Variants in TIMM44 observed in about 807,000 individuals in gnomAD.
TIMM44 encodes the protein mitochondrial import inner membrane translocase subunit TIM44.
Under a neutral mutation model 63.8 loss-of-function variants are expected in TIMM44, and 37 were observed. That is an observed-to-expected ratio of 0.58 (90% CI 0.45 to 0.76). The LOEUF (loss-of-function observed/expected upper bound fraction) is 0.76. TIMM44 is among the 30% of genes least tolerant of loss of function. The pLI is 0.00. For synonymous variants in TIMM44, 239 were observed against 245.1 expected, an observed-to-expected ratio of 0.98 and a Z score of 0.23; for missense variants, 573 against 603.8, an observed-to-expected ratio of 0.95 and a Z score of 0.54.
At position 7,928,161 on chromosome 19, in the gene TIMM44, G is replaced by A. The variant is rs768536520; in HGVS notation, c.1044C>T (p.Tyr348=). The change falls in exon 11 of 13, where the codon TAC becomes TAT. Residue 348 remains tyrosine (Y), a synonymous_variant. Coordinates refer to ENST00000270538, the MANE Select transcript of TIMM44 (RefSeq NM_006351.4). ...GCTGGATGGGGTGGGCCAGCTGGCTGTAAGTCTGCAATGAGAGGCCGACAC... is the reference window on the plus strand; with the variant it reads ...GCTGGATGGGGTGGGCCAGCTGGCTATAAGTCTGCAATGAGAGGCCGACAC... The part of the protein sequence containing the change: ...ILKDWCYEAT[Y]SQLAHPIQQA... 7 of 1,613,454 alleles carry A rather than the reference G, an allele frequency of 4.3e-6. No homozygotes were observed. The highest frequency in any genetic ancestry group is 5.9e-6 in the Non-Finnish European group (7 of 1,179,782).
Position 7,933,175 on chromosome 19 carries a change from C to T in TIMM44, c.770-243G>A, listed in dbSNP as rs961590259. Among the ~76,000 whole-genome samples, 14 of 152,170 alleles carry T rather than the reference C, an allele frequency of 9.2e-5. No homozygotes were observed. Among genetic ancestry groups the T allele is most frequent in the African/African-American group, 2.2e-4 (9 of 41,446 alleles). On this transcript the variant is annotated intron_variant, in intron 7 of 12. Coordinates refer to ENST00000270538, the MANE Select transcript of TIMM44 (RefSeq NM_006351.4). The surrounding 1 kb of genome is among the most constrained non-coding windows in gnomAD (Gnocchi z 4.3). The stretch of plus-strand genomic sequence containing the variant: ...TAATGGGGCTGTGTAAGTTATGGGC[C>T]GCCACCCCACTGGCTGTTGCTTTCA...
At chr19:7,928,286 G>T in intron 10 of TIMM44, 120 bp from the exon 11 acceptor site, 1 of 821,226 alleles carries the variant, frequency 1.2e-6, no homozygotes. Context: ...CAATGGCAGA[G>T]GCCAAGAACC....
rs1288412990 is a variant in TIMM44, at chr19:7,934,408, C to T, written c.394-170G>A. On this transcript the variant is annotated intron_variant, in intron 4 of 12. Coordinates refer to ENST00000270538, the MANE Select transcript of TIMM44 (RefSeq NM_006351.4). The surrounding 1 kb of genome is among the most constrained non-coding windows in gnomAD (Gnocchi z 5.3). ...GGCACCCCCAGAGCCATGAGCACAA[C>T]GGCACCCCCAGAGCCACGAGCACAC... Among the ~76,000 whole-genome samples, 4 of 151,182 alleles carry T rather than the reference C, an allele frequency of 2.6e-5. No homozygotes were observed. Among genetic ancestry groups the T allele is most frequent in the South Asian group, 2.1e-4 (1 of 4,782 alleles).
rs1368357942 is a variant in TIMM44 at position 7,943,515 on chromosome 19, C to T, written c.45+92G>A. 3.5e-6 allele frequency: 5 copies of T among 1,429,194 alleles called. No homozygotes were observed. In the East Asian group the frequency reaches 7.4e-5, roughly 21 times the overall value. The allele number at this position is 1,429,194 out of a possible 1,614,324, so 88.5% of individuals were successfully genotyped here. A position where few individuals can be genotyped will look rare whatever the true frequency, so the allele number is the denominator to read the frequency against. ...CTTTCTAAGGAGCCCAAGCAAGGGT[C>T]GCGAAGGCCAAGGGTCTGAGAAGAA... On this transcript the variant is annotated intron_variant, in intron 1 of 12. Transcript: ENST00000270538. This position sits in a 1 kb window ranked among gnomAD's most constrained non-coding sequence, Gnocchi z 4.3.
At chr19:7,931,449 A>T in intron 9 of TIMM44, 1 of 500,088 alleles carries the variant, frequency 2.0e-6, no homozygotes. Context: ...CCACAGGGGG[A>T]CCCCCCTGGA....
intron 10 of TIMM44, among the ~76,000 whole-genome samples, chr19:7,929,702 C>T (rs901906885): frequency 6.6e-6 from 1 of 151,110 alleles, no homozygotes; most frequent in Admixed American, 6.6e-5. Context: ...CCCCCCCAGT[C>T]ATGTGGGAGA....
intron 3 of TIMM44, among the ~76,000 whole-genome samples, chr19:7,936,593 G>A (rs1295859319): frequency 6.6e-6 from 1 of 152,210 alleles, no homozygotes; most frequent in Non-Finnish European, 1.5e-5. Context: ...TAACTGCCTC[G>A]CAGGGCCCTT....
chr19:7,933,750 A>C lies in TIMM44; in HGVS notation c.683+114T>G. On this transcript the variant is annotated intron_variant, in intron 6 of 12. Transcript: ENST00000270538. This position sits in a 1 kb window ranked among gnomAD's most constrained non-coding sequence, Gnocchi z 4.3. ...TTCGAGGGAGCCGGGAACCTTGGGC[A>C]GAAGGCAAACTCAAGAAACGGACTC... 1 of 1,526,492 alleles carries C rather than the reference A, an allele frequency of 6.6e-7. No individual in the cohort carries two copies. Among genetic ancestry groups the C allele is most frequent in the Non-Finnish European group, 9.0e-7 (1 of 1,108,484 alleles). 94.6% of individuals were successfully genotyped at this position (1,526,492 alleles called of 1,614,324 possible).
At chr19:7,940,328 C>CT (rs1393550002) in intron 2 of TIMM44, among the ~76,000 whole-genome samples, 5 of 152,104 alleles carry the variant, frequency 3.3e-5, no homozygotes, top group Admixed American at 6.5e-5. Context: ...CCTGGCCAGC[C>CT]TTTCTCCAGG....
intron 9 of TIMM44, 37 bp from the exon 10 acceptor site, chr19:7,931,225 T>G (rs1983973111): frequency 5.0e-6 from 8 of 1,596,502 alleles, no homozygotes; most frequent in Non-Finnish European, 6.9e-6. Flanking sequence ...AGAACGAGAG[T>G]GGGCTTTTCA....
At chr19:7,927,618 C>CCA in intron 12 of TIMM44, 39 bp downstream of exon 12, 1 of 1,575,370 alleles carries the variant, frequency 6.3e-7, no homozygotes, top group South Asian at 1.1e-5. Context: ...TGGGGACAGG[C>CCA]GGTGTCATGT....
rs1230447370 is a variant in TIMM44, at chr19:7,935,248, T to A, written c.313-103A>T. 6.6e-6 allele frequency: 7 copies of A among 1,055,012 alleles called. No homozygotes were observed. In the East Asian group the frequency reaches 1.8e-4, roughly 28 times the overall value. 65.4% of individuals were successfully genotyped at this position (1,055,012 alleles called of 1,614,324 possible). ...TGGCACGCTCTCGGCTCACTGCAAC[T>A]TCCTCCTGCCAGATTCAAGCGATTT... On this transcript the variant is annotated intron_variant, in intron 3 of 12. Coordinates refer to ENST00000270538, the MANE Select transcript of TIMM44 (RefSeq NM_006351.4).
At position 7,938,715 on chromosome 19, in the gene TIMM44, A is replaced by G. The variant is rs555370598; in HGVS notation, c.142-518T>C. On this transcript the variant is annotated intron_variant, in intron 2 of 12. Transcript: ENST00000270538. ...CCAGCTCCTCAGAAGGCTGAGGCAC[A>G]AGAATTGCTTGAACCCAGGAGGAAG... Among the ~76,000 whole-genome samples, 712 of 152,236 alleles carry G rather than the reference A, an allele frequency of 4.7e-3. 4 individuals carry two copies. Among genetic ancestry groups the G allele is most frequent in the Non-Finnish European group, 4.8e-3 (326 of 68,014 alleles).
chr19:7,927,252 G>A lies in TIMM44; in HGVS notation c.1294C>T (p.Leu432Phe), dbSNP rs1416690096. 6.2e-7 allele frequency: 1 copy of A among 1,612,490 alleles called. No individual in the cohort carries two copies. Among genetic ancestry groups the A allele is most frequent in the Non-Finnish European group, 8.5e-7 (1 of 1,179,966 alleles). Residue 432 changes from leucine (L) to phenylalanine (F), a missense_variant, in exon 13 of 13, where the codon CTC (leucine) becomes TTC (phenylalanine). By Grantham distance (22) the Leu-to-Phe change is conservative (BLOSUM62 0). Transcript: ENST00000270538. ...AGCCGCCAGGCCGCGTAGGGGTTGAGCTCGTCCTGGTCTCGGCAGAGCGCC... is the reference window on the plus strand; with the variant it reads ...AGCCGCCAGGCCGCGTAGGGGTTGAACTCGTCCTGGTCTCGGCAGAGCGCC... ...VWALCRDQDE[L>F]NPYAAWRLLD...
intron 3 of TIMM44, among the ~76,000 whole-genome samples, chr19:7,937,474 G>A (rs1264683236): frequency 1.3e-5 from 2 of 152,314 alleles, no homozygotes; most frequent in East Asian, 3.9e-4. Flanking sequence ...CCACTCCCAG[G>A]AGGAGCCACT....
chr19:7,927,939 C>A, intron 11 of TIMM44, 138 bp downstream of exon 11: 2 of 1,111,234 alleles, frequency 1.8e-6, no homozygotes, highest in Non-Finnish European at 2.6e-6. Context: ...TCCCTCGAGA[C>A]CCTCCCCTTG....
rs1167221566 is a variant in TIMM44 at position 7,935,275 on chromosome 19, C to T, written c.313-130G>A. ...CCTCCTGCCAGATTCAAGCGATTTTCCTGCCCCAGCCTCCCGAGTAGCTGG... is the reference window on the plus strand; with the variant it reads ...CCTCCTGCCAGATTCAAGCGATTTTTCTGCCCCAGCCTCCCGAGTAGCTGG... On this transcript the variant is annotated intron_variant, in intron 3 of 12. Transcript: ENST00000270538. 3 of 812,768 alleles carry T rather than the reference C, an allele frequency of 3.7e-6. No homozygotes were observed. The East Asian group carries it at 8.0e-5, about 22-fold the overall frequency. 50.3% of individuals were successfully genotyped at this position (812,768 alleles called of 1,614,324 possible).
At position 7,938,165 on chromosome 19, in the gene TIMM44, G is replaced by C; in HGVS notation, c.174C>G (p.Gly58=). The C allele has an allele frequency of 6.2e-7, 1 of 1,613,590 alleles. No individual in the cohort carries two copies. Among genetic ancestry groups the C allele is most frequent in the Non-Finnish European group, 8.5e-7 (1 of 1,179,920 alleles). The change falls in exon 3 of 13, where the codon GGC becomes GGG. Residue 58 remains glycine, a synonymous_variant. Transcript: ENST00000270538. The part of the protein sequence containing the change: ...SKSYSSGNRK[G]FLSGLLDNVK... ...CATTATCTAGCAAGCCGGACAGAAAGCCTTTTCTGTTTCCAGAAGAATATG... is the reference window on the plus strand; with the variant it reads ...CATTATCTAGCAAGCCGGACAGAAACCCTTTTCTGTTTCCAGAAGAATATG...
chr19:7,930,140 T>C (rs145816180), intron 10 of TIMM44, among the ~76,000 whole-genome samples: 2,477 of 151,168 alleles, frequency 0.016, 60 homozygotes, highest in African/African-American at 0.057. Context: ...TTAGCCACCG[T>C]GCCCGACCTA....
Sources: allele counts gnomAD v4.1 joint callset (sites outside exome capture counted in the v4.1 genomes callset), GRCh38; gene constraint gnomAD v4.1.1; non-coding constraint Gnocchi (gnomAD v3.1); transcripts MANE v1.5; gene names NCBI Gene and HGNC (gene_info 2026-07-23, HGNC 2026-07-21).